The following ARHGAP26 variants were observed in gnomAD, a reference collection of about 807,000 sequenced individuals.
ARHGAP26 encodes the protein rho GTPase-activating protein 26.
Under a neutral mutation model 104.8 loss-of-function variants are expected in ARHGAP26, and 38 were observed. The ratio of observed to expected loss-of-function variants is 0.36; its 90% CI spans 0.28 to 0.48. ARHGAP26 has a LOEUF of 0.48. ARHGAP26 is among the 20% of genes least tolerant of loss of function. The pLI, the probability that ARHGAP26 is intolerant of heterozygous loss-of-function variation, is 0.99. For missense variants in ARHGAP26, 704 were observed against 947.9 expected (o/e 0.74, Z 3.38); for synonymous variants, 341 against 340.0 (o/e 1.00, Z -0.03).
chr5:143,160,694 A>C (rs1801124230), intron 20 of ARHGAP26, among the ~76,000 whole-genome samples: 1 of 151,720 alleles, frequency 6.6e-6, no homozygotes, highest in African/African-American at 2.4e-5. Flanking sequence ...TATGTCGCCC[A>C]GGCTAGTCCC....
chr5:142,984,557 G>A (rs1774394460), intron 11 of ARHGAP26, among the ~76,000 whole-genome samples: 1 of 152,042 alleles, frequency 6.6e-6, no homozygotes, highest in South Asian at 2.1e-4. Flanking sequence ...CTCTCAGTGG[G>A]CTGCTATACA....
intron 12 of ARHGAP26, among the ~76,000 whole-genome samples, chr5:143,035,965 C>T (rs1279937359): frequency 7.0e-6 from 1 of 142,056 alleles, no homozygotes; most frequent in East Asian, 2.1e-4. Flanking sequence ...AAAAGAAGAA[C>T]TTACCCATGT....
At chr5:142,952,132 G>A (rs2152614293) in intron 11 of ARHGAP26, among the ~76,000 whole-genome samples, 1 of 152,260 alleles carries the variant, frequency 6.6e-6, no homozygotes, top group East Asian at 1.9e-4. Flanking sequence ...AGGTAATTCA[G>A]GATTATCTTA....
chr5:142,771,179 G>A (rs1755112434), intron 1 of ARHGAP26: 30 of 1,287,192 alleles, frequency 2.3e-5, no homozygotes, highest in Non-Finnish European at 2.8e-5. Flanking sequence ...GGGGCAGCGC[G>A]GGTGGGCGTG....
At chr5:143,059,275 A>C (rs1304471525) in intron 17 of ARHGAP26, among the ~76,000 whole-genome samples, 1 of 152,220 alleles carries the variant, frequency 6.6e-6, no homozygotes, top group Non-Finnish European at 1.5e-5. Flanking sequence ...TGCAGAGAGC[A>C]GCTGGAGAAG....
intron 11 of ARHGAP26, among the ~76,000 whole-genome samples, chr5:142,942,393 G>A (rs549752024): frequency 6.6e-6 from 1 of 152,220 alleles, no homozygotes; most frequent in South Asian, 2.1e-4. Flanking sequence ...AAACATTTAT[G>A]ATACAATAAA....
chr5:142,896,643 C>T (rs1010524956), intron 6 of ARHGAP26, among the ~76,000 whole-genome samples: 2 of 152,114 alleles, frequency 1.3e-5, no homozygotes, highest in Non-Finnish European at 2.9e-5. Context: ...TTTACCATTC[C>T]ATTTCCTGGC....
chr5:142,819,126 G>A (rs1251786137), intron 1 of ARHGAP26, among the ~76,000 whole-genome samples: 1 of 152,186 alleles, frequency 6.6e-6, no homozygotes, highest in Non-Finnish European at 1.5e-5. Context: ...GGCAGCTGGT[G>A]TCTCCTCTTA....
chr5:143,128,257 A>C (rs1796938864), intron 18 of ARHGAP26, among the ~76,000 whole-genome samples: 1 of 152,166 alleles, frequency 6.6e-6, no homozygotes, highest in Non-Finnish European at 1.5e-5. Flanking sequence ...CTTTAATATT[A>C]CTCAAATAAA....
intron 1 of ARHGAP26, among the ~76,000 whole-genome samples, chr5:142,777,727 A>T (rs1319432467): frequency 1.3e-5 from 2 of 152,128 alleles, no homozygotes. Context: ...TAACCAATGT[A>T]GGAGTCATTA....
In ARHGAP26 at chr5:143,147,763, C is replaced by T. The variant is rs181198614; in HGVS notation, c.1988+382C>T. Among the ~76,000 whole-genome samples, 13 of 152,280 alleles carry T rather than the reference C, an allele frequency of 8.5e-5. No individual in the cohort carries two copies. In the East Asian group the frequency reaches 1.9e-3, roughly 23 times the overall value. ...ACTCATCTATGTTGTCTCGGTTTCCCTCCCCACTGACTATGTTGGAAATGT... is the reference window on the plus strand; with the variant it reads ...ACTCATCTATGTTGTCTCGGTTTCCTTCCCCACTGACTATGTTGGAAATGT... On this transcript the variant is annotated intron_variant, in intron 20 of 22. Transcript: ENST00000645722.
chr5:142,922,059 G>A (rs2152506542), intron 10 of ARHGAP26: 2 of 152,100 alleles, frequency 1.3e-5, no homozygotes, highest in South Asian at 4.2e-4. Flanking sequence ...GGCCTGCTAG[G>A]GTAAGATTCC....
At chr5:142,924,774 A>G (rs1012788557) in intron 10 of ARHGAP26, among the ~76,000 whole-genome samples, 5 of 152,240 alleles carry the variant, frequency 3.3e-5, no homozygotes, top group African/African-American at 1.2e-4. Flanking sequence ...CAAATAGTAG[A>G]TTACCATTGC....
chr5:142,956,779 GC>G (rs903668472), intron 11 of ARHGAP26, among the ~76,000 whole-genome samples: 4 of 152,164 alleles, frequency 2.6e-5, no homozygotes, highest in African/African-American at 9.7e-5. Context: ...GCTGGGGAAG[GC>G]CTCACAATTA....
At chr5:142,882,662 C>T (rs564124629) in intron 4 of ARHGAP26, among the ~76,000 whole-genome samples, 3 of 152,326 alleles carry the variant, frequency 2.0e-5, no homozygotes, top group Non-Finnish European at 2.9e-5. Flanking sequence ...GATGAGCTCA[C>T]CACTGTCACC....
At chr5:143,175,049 C>T (rs1803281400) in intron 20 of ARHGAP26, among the ~76,000 whole-genome samples, 1 of 152,230 alleles carries the variant, frequency 6.6e-6, no homozygotes, top group Non-Finnish European at 1.5e-5. Context: ...GCTCCGAATA[C>T]ATCTGTTGCT....
At chr5:143,196,345 T>G (rs1285210803) in intron 20 of ARHGAP26, among the ~76,000 whole-genome samples, 1 of 152,104 alleles carries the variant, frequency 6.6e-6, no homozygotes, top group Non-Finnish European at 1.5e-5. Flanking sequence ...TCCATTCTTG[T>G]TTTTCGCGGT....
At chr5:143,059,842 G>A (rs1786435446) in intron 17 of ARHGAP26, among the ~76,000 whole-genome samples, 1 of 152,142 alleles carries the variant, frequency 6.6e-6, no homozygotes, top group Non-Finnish European at 1.5e-5. Flanking sequence ...ATGCTGTAAT[G>A]TGAGTTGGTT....
chr5:143,166,585 G>T (rs1801979434), intron 20 of ARHGAP26, among the ~76,000 whole-genome samples: 1 of 152,114 alleles, frequency 6.6e-6, no homozygotes, highest in Non-Finnish European at 1.5e-5. Flanking sequence ...TTTAGCTTTG[G>T]ATTGCCATGA....
Sources: gnomAD v4.1 joint callset for allele counts (sites outside exome capture counted in the v4.1 genomes callset) on GRCh38, gnomAD v4.1.1 for gene constraint, MANE v1.5 for transcripts, NCBI Gene and HGNC (gene_info 2026-07-23, HGNC 2026-07-21) for gene names.